MTMR3: variants seen among roughly 807,000 people sequenced by gnomAD.
The protein encoded by MTMR3 is myotubularin related protein 3.
A neutral mutation model predicts 132.4 loss-of-function variants in MTMR3; 32 were observed. That is an observed-to-expected ratio of 0.24 (90% confidence interval 0.18 to 0.32). The LOEUF (loss-of-function observed/expected upper bound fraction) is 0.32, where lower values mean the gene tolerates loss of function less well. Among genes scored for constraint, MTMR3 ranks in the 10% least tolerant of loss-of-function variants. MTMR3 has a pLI of 1.00. For missense variants in MTMR3, 1,216 were observed against 1,489.6 expected (o/e 0.82, Z 3.02); for synonymous variants, 556 against 550.3 (o/e 1.01, Z -0.14).
At chr22:29,904,591 A>G (rs1269785173) in intron 1 of MTMR3, among the ~76,000 whole-genome samples, 2 of 152,250 alleles carry the variant, frequency 1.3e-5, no homozygotes, top group African/African-American at 2.4e-5. Context: ...TTATAATATT[A>G]GATAACCAAT....
chr22:30,022,481 G>A (rs1483296504), intron 18 of MTMR3, 128 bp from the exon 19 acceptor site: 1 of 775,492 alleles, frequency 1.3e-6, no homozygotes, highest in African/African-American at 1.7e-5. Flanking sequence ...GTTGACATCA[G>A]ATCTGCTGGG....
intron 1 of MTMR3, among the ~76,000 whole-genome samples, chr22:29,891,028 G>GA (rs796599768): frequency 0.064 from 6,922 of 107,962 alleles, 531 homozygotes; most frequent in African/African-American, 0.21. Context: ...CATCTCTTTA[G>GA]AAAAAAAAAA....
intron 1 of MTMR3, among the ~76,000 whole-genome samples, chr22:29,884,529 T>C (rs1479221974): frequency 6.8e-6 from 1 of 147,788 alleles, no homozygotes; most frequent in Non-Finnish European, 1.5e-5. Context: ...TTGGGTAGGC[T>C]AGAAGAGCTT....
chr22:29,949,125 ACACACACACACACACACACCCCC>A (rs1727643015), intron 1 of MTMR3, among the ~76,000 whole-genome samples: 4 of 29,726 alleles, frequency 1.3e-4, no homozygotes, highest in African/African-American at 6.0e-4. Flanking sequence ...ACACACACAC[ACACACACACACACACACACCCCC>A]CCCCCCCCCC....
chr22:29,941,680 A>G (rs1399092136), intron 1 of MTMR3, among the ~76,000 whole-genome samples: 2 of 152,142 alleles, frequency 1.3e-5, no homozygotes, highest in African/African-American at 4.8e-5. Context: ...CTCCTACATG[A>G]CTTTCCTTTT....
At chr22:29,901,019 A>G (rs1387346161) in intron 1 of MTMR3, among the ~76,000 whole-genome samples, 4 of 152,146 alleles carry the variant, frequency 2.6e-5, no homozygotes, top group African/African-American at 9.7e-5. Flanking sequence ...TATACTGCCT[A>G]GTTATGTGAA....
chr22:29,909,685 AT>A (rs922224714), intron 1 of MTMR3, among the ~76,000 whole-genome samples: 23 of 152,222 alleles, frequency 1.5e-4, no homozygotes, highest in African/African-American at 5.3e-4. Context: ...GTAACTCTTC[AT>A]TTTTATAATT....
intron 7 of MTMR3, 170 bp downstream of exon 7, chr22:29,991,840 T>C: frequency 1.6e-6 from 1 of 626,266 alleles, no homozygotes; most frequent in East Asian, 3.2e-5. Flanking sequence ...ACATCTTTTC[T>C]GCCTTCCGGG....
intron 5 of MTMR3, chr22:29,984,675 A>G (rs761965108): frequency 3.9e-5 from 6 of 152,218 alleles, no homozygotes; most frequent in Non-Finnish European, 7.3e-5. Flanking sequence ...CAAAAAGAAA[A>G]TGAGTTGCTA....
intron 1 of MTMR3, among the ~76,000 whole-genome samples, chr22:29,896,491 C>G (rs2064899075): frequency 6.6e-6 from 1 of 152,134 alleles, no homozygotes; most frequent in Non-Finnish European, 1.5e-5. Context: ...CTACACTCCT[C>G]ATCTTCAAGG....
At chr22:29,924,953 T>C (rs2065485658) in intron 1 of MTMR3, among the ~76,000 whole-genome samples, 1 of 152,220 alleles carries the variant, frequency 6.6e-6, no homozygotes, top group African/African-American at 2.4e-5. Context: ...CATACTAATA[T>C]TGATAATAGA....
Position 30,028,286 on chromosome 22 carries a change from C to G in MTMR3, c.*2485C>G, listed in dbSNP as rs1048641782. ...GGTGGGGGTGAGAAAATGCTTCTGC[C>G]TGTTGTTCTTGAAGGATAGACTATG... On this transcript the variant is annotated 3_prime_UTR_variant, in exon 20 of 20. Transcript: ENST00000401950. 6.6e-6 allele frequency: 1 copy of G among 152,376 alleles called. No individual in the cohort carries two copies. Among genetic ancestry groups the G allele is most frequent in the Non-Finnish European group, 1.5e-5 (1 of 68,116 alleles). 9.4% of individuals were successfully genotyped at this position (152,376 alleles called of 1,614,324 possible).
rs745313001 is a variant in MTMR3 at position 29,978,985 on chromosome 22, C to G, written c.143C>G (p.Ala48Gly). The G allele has an allele frequency of 6.2e-7, 1 of 1,613,858 alleles. No homozygotes were observed. Among genetic ancestry groups the G allele is most frequent in the South Asian group, 1.1e-5 (1 of 91,080 alleles). The part of the protein sequence containing the change: ...HGESTEFVGR[A>G]EDAIIALSNY... ...GAGAGCACAGAGTTTGTGGGCCGTG[C>G]CGAGGATGCCATCATTGCCCTTTCC... The change falls in exon 5 of 20, where the codon GCC becomes GGC. Residue 48 changes from alanine to glycine, a missense_variant. Ala to Gly is a moderately conservative substitution (Grantham distance 60). Transcript: ENST00000401950.
intron 1 of MTMR3, among the ~76,000 whole-genome samples, chr22:29,951,475 C>T (rs1343369542): frequency 6.6e-6 from 1 of 152,188 alleles, no homozygotes; most frequent in Non-Finnish European, 1.5e-5. Context: ...GCTGCCTCCT[C>T]TTCCCTGTTG....
intron 1 of MTMR3, among the ~76,000 whole-genome samples, chr22:29,891,633 A>G (rs1383508864): frequency 6.6e-6 from 1 of 151,888 alleles, no homozygotes; most frequent in African/African-American, 2.4e-5. Flanking sequence ...GGATTTTGCC[A>G]TGTTGGCCAG....
chr22:29,915,690 C>G (rs2065295553), intron 1 of MTMR3, among the ~76,000 whole-genome samples: 1 of 152,152 alleles, frequency 6.6e-6, no homozygotes, highest in Non-Finnish European at 1.5e-5. Context: ...TCCTAAAGTG[C>G]TGGGATTACA....
chr22:29,897,753 A>C (rs191149830), intron 1 of MTMR3, among the ~76,000 whole-genome samples: 1 of 152,026 alleles, frequency 6.6e-6, no homozygotes, highest in Non-Finnish European at 1.5e-5. Context: ...CCTGGCCTGT[A>C]TTTGCTTTTA....
At chr22:29,936,151 A>G (rs1453478727) in intron 1 of MTMR3, among the ~76,000 whole-genome samples, 1 of 152,208 alleles carries the variant, frequency 6.6e-6, no homozygotes, top group Admixed American at 6.5e-5. Flanking sequence ...TCTGTAGCCT[A>G]CAATCGTAAT....
chr22:29,898,609 C>T (rs2064947094), intron 1 of MTMR3, among the ~76,000 whole-genome samples: 1 of 152,082 alleles, frequency 6.6e-6, no homozygotes. Flanking sequence ...TGTCCTGTTA[C>T]CCAGGCTGCC....
Sources: allele counts gnomAD v4.1 joint callset (sites outside exome capture counted in the v4.1 genomes callset), GRCh38; gene constraint gnomAD v4.1.1; transcripts MANE v1.5; gene names NCBI Gene and HGNC (gene_info 2026-07-23, HGNC 2026-07-21).